MARCHF6: variants seen among roughly 807,000 people sequenced by gnomAD.
MARCHF6 encodes membrane associated ring-CH-type finger 6.
Under a neutral mutation model 133.7 loss-of-function variants are expected in MARCHF6, and 31 were observed. The observed-to-expected ratio is 0.23, with a 90% CI of 0.17 to 0.31. The LOEUF (loss-of-function observed/expected upper bound fraction) is 0.31, where lower values mean the gene tolerates loss of function less well. MARCHF6 is among the 10% of genes least tolerant of loss of function. MARCHF6 has a pLI of 1.00. For synonymous variants in MARCHF6, 395 were observed against 402.5 expected, an observed-to-expected ratio of 0.98 and a Z score of 0.22; for missense variants, 723 against 1,121.6, an observed-to-expected ratio of 0.64 and a Z score of 5.08.
chr5:10,390,265 T>G, intron 5 of MARCHF6, 67 bp from the exon 6 acceptor site: 4 of 1,391,322 alleles, frequency 2.9e-6, no homozygotes, highest in Non-Finnish European at 3.9e-6. Flanking sequence ...TAAGAAAATT[T>G]TTTACCTTTG....
rs1740490116 is a variant in MARCHF6, at chr5:10,433,999, TA to T, written c.*316del. ...AATTTATTAAATCTAGTTGTCACTT[TA>T]TTTTGGACCTGCTGTGATCTCGACA... On this transcript the variant is annotated 3_prime_UTR_variant, in exon 26 of 26. Transcript: ENST00000274140. The T allele has an allele frequency of 7.1e-6, 2 of 280,760 alleles. No homozygotes were observed. The highest frequency in any genetic ancestry group is 1.4e-5 in the Non-Finnish European group (2 of 144,540). 17.4% of individuals were successfully genotyped at this position (280,760 alleles called of 1,614,324 possible).
rs1250830083 is a variant in MARCHF6, at chr5:10,402,311, A to G, written c.1054-73A>G. 1.5e-5 allele frequency: 20 copies of G among 1,357,228 alleles called. No individual in the cohort carries two copies. The East Asian group carries it at 2.7e-4, about 19-fold the overall frequency. The allele number at this position is 1,357,228 out of a possible 1,614,324, so 84.1% of individuals were successfully genotyped here. On this transcript the variant is annotated intron_variant, in intron 12 of 25. Transcript: ENST00000274140. ...TAAATTAATTCTGTCAAAAAATACT[A>G]AATGTTGGCTAAGTAGTTACCTGTT...
chr5:10,399,403 C>A (rs949868669), intron 10 of MARCHF6, among the ~76,000 whole-genome samples: 1 of 151,916 alleles, frequency 6.6e-6, no homozygotes, highest in Non-Finnish European at 1.5e-5. Flanking sequence ...GAGGCCAGAT[C>A]CCTAGTAGGT....
At position 10,391,436 on chromosome 5, in the gene MARCHF6, G is replaced by GTTTTTTTT. The variant is rs35378319; in HGVS notation, c.577-85_577-78dup. 8 of 306,378 alleles carry GTTTTTTTT rather than the reference G, an allele frequency of 2.6e-5. 3 individuals carry two copies. The highest frequency in any genetic ancestry group is 7.8e-5 in the African/African-American group (2 of 25,710). 19.0% of individuals were successfully genotyped at this position (306,378 alleles called of 1,614,324 possible). On this transcript the variant is annotated intron_variant, in intron 6 of 25. Coordinates refer to ENST00000274140, the MANE Select transcript of MARCHF6 (RefSeq NM_005885.4). ...GCATGAGCCACTACACCTGGCCTAG[G>GTTTTTTTT]TTTTTTTTTTTTTTTTTTTTTTTTT...
intron 1 of MARCHF6, among the ~76,000 whole-genome samples, chr5:10,374,887 C>T (rs1309032256): frequency 2.0e-5 from 3 of 152,192 alleles, no homozygotes; most frequent in African/African-American, 4.8e-5. Flanking sequence ...CATGAGCAAC[C>T]TTACCTGCTT....
intron 20 of MARCHF6, 31 bp from the exon 21 acceptor site, chr5:10,415,457 A>T: frequency 1.3e-6 from 2 of 1,589,652 alleles, no homozygotes; most frequent in Non-Finnish European, 1.7e-6. Flanking sequence ...ACCTAGCCAC[A>T]TGTCTCATTT....
At chr5:10,418,176 GA>G (rs1449885695) in intron 22 of MARCHF6, among the ~76,000 whole-genome samples, 1 of 152,050 alleles carries the variant, frequency 6.6e-6, no homozygotes, top group African/African-American at 2.4e-5. Flanking sequence ...CTCAGGAGTT[GA>G]AGACTAGCCT....
chr5:10,395,846 G>T (rs1738158025), intron 9 of MARCHF6, among the ~76,000 whole-genome samples: 1 of 152,198 alleles, frequency 6.6e-6, no homozygotes. Context: ...GAATTTAGCA[G>T]TTGTGTAGGT....
intron 5 of MARCHF6, 106 bp from the exon 6 acceptor site, chr5:10,390,226 C>CTT: frequency 1.4e-6 from 1 of 697,046 alleles, no homozygotes; most frequent in Non-Finnish European, 2.4e-6. Flanking sequence ...ATTCTTCTGG[C>CTT]TGTTTTTTTT....
intron 5 of MARCHF6, among the ~76,000 whole-genome samples, chr5:10,389,521 G>A (rs537223058): frequency 8.9e-4 from 135 of 152,238 alleles, no homozygotes; most frequent in Non-Finnish European, 1.3e-3. Context: ...TCCTGCCTCA[G>A]CCTCCCGAGT....
chr5:10,377,082 G>T (rs1174217409), intron 1 of MARCHF6, among the ~76,000 whole-genome samples: 1 of 152,174 alleles, frequency 6.6e-6, no homozygotes, highest in Non-Finnish European at 1.5e-5. Flanking sequence ...CCGTCGTGCT[G>T]CTTTGGGGCC....
chr5:10,414,963 G>A (rs1245067265), intron 20 of MARCHF6, among the ~76,000 whole-genome samples: 3 of 151,966 alleles, frequency 2.0e-5, no homozygotes, highest in African/African-American at 7.3e-5. Context: ...AAATTAATAT[G>A]GTATTCTTTG....
intron 23 of MARCHF6, among the ~76,000 whole-genome samples, chr5:10,424,857 T>A (rs1020862252): frequency 3.9e-5 from 6 of 152,188 alleles, no homozygotes; most frequent in African/African-American, 1.4e-4. Flanking sequence ...ATAATTTGAT[T>A]GTTGTGGGAA....
chr5:10,391,785 T>C (rs1737863026), intron 7 of MARCHF6, 54 bp downstream of exon 7: 1 of 1,397,298 alleles, frequency 7.2e-7, no homozygotes, highest in Admixed American at 2.8e-5. Context: ...TGTTCTCAAC[T>C]TGCATTGAGG....
chr5:10,354,081 C>T (rs994774866), intron 1 of MARCHF6, 164 bp downstream of exon 1: 1 of 556,344 alleles, frequency 1.8e-6, no homozygotes. Flanking sequence ...GAAGGTGACC[C>T]TCTGCGCGCC....
intron 22 of MARCHF6, chr5:10,421,967 G>A (rs1203381173): frequency 6.6e-6 from 1 of 152,208 alleles, no homozygotes; most frequent in Non-Finnish European, 1.5e-5. Flanking sequence ...TTAAGGCAGA[G>A]CAGTCAGAAC....
chr5:10,362,950 G>A (rs774425589), intron 1 of MARCHF6, among the ~76,000 whole-genome samples: 1 of 151,906 alleles, frequency 6.6e-6, no homozygotes, highest in African/African-American at 2.4e-5. Flanking sequence ...AAAGGATATC[G>A]TTTTTCAACA....
At chr5:10,359,883 G>A (rs545186989) in intron 1 of MARCHF6, among the ~76,000 whole-genome samples, 6 of 152,036 alleles carry the variant, frequency 3.9e-5, no homozygotes, top group Non-Finnish European at 4.4e-5. Flanking sequence ...GCGGGTGCCT[G>A]TAATCCCAGC....
At chr5:10,357,838 A>T (rs549454945) in intron 1 of MARCHF6, among the ~76,000 whole-genome samples, 1 of 152,328 alleles carries the variant, frequency 6.6e-6, no homozygotes, top group Admixed American at 6.5e-5. Context: ...TAGAGCTTAC[A>T]TTATAGTTAT....
Sources: gnomAD v4.1 joint callset for allele counts (sites outside exome capture counted in the v4.1 genomes callset) on GRCh38, gnomAD v4.1.1 for gene constraint, MANE v1.5 for transcripts, NCBI Gene and HGNC (gene_info 2026-07-23, HGNC 2026-07-21) for gene names.